Variants in CWC22 observed in about 807,000 individuals in gnomAD.
The protein encoded by CWC22 is CWC22 spliceosome associated protein, also known as pre-mRNA-splicing factor CWC22 homolog.
CWC22 carries 53 observed loss-of-function variants against 117.2 expected under a neutral mutation model. The observed-to-expected ratio is 0.45, with a 90% confidence interval of 0.36 to 0.57. The LOEUF (loss-of-function observed/expected upper bound fraction) is 0.57, where lower values mean the gene tolerates loss of function less well. Ranked by LOEUF, CWC22 falls within the 20% of genes least tolerant of loss-of-function variation. The probability of loss-of-function intolerance (pLI) is 0.00; values close to 1 mark genes in which losing one functional copy is unlikely to be tolerated. For synonymous variants in CWC22, 360 were observed against 355.6 expected (o/e 1.01, Z -0.14); for missense variants, 980 against 1,068.8 (o/e 0.92, Z 1.16).
rs185975607 is a variant in CWC22 at position 179,957,566 on chromosome 2, C to T, written c.1458+1456G>A. 2.0e-4 allele frequency among the ~76,000 whole-genome samples: 30 copies of T among 152,298 alleles called. No homozygotes were observed. In the East Asian group the frequency reaches 3.5e-3, roughly 18 times the overall value. ...CATAAAAACAGGCAGCAGGCCTCCA[C>T]CGCAGGCTGCCAACCTCTGTAACAC... On this transcript the variant is annotated intron_variant, in intron 14 of 19. Transcript: ENST00000410053.
intron 1 of CWC22, among the ~76,000 whole-genome samples, chr2:180,005,506 G>A (rs778051211): frequency 2.2e-4 from 34 of 152,152 alleles, no homozygotes; most frequent in Non-Finnish European, 4.4e-4. Context: ...AACTAGGGAG[G>A]CGGAGCTTGC....
At chr2:179,957,153 G>C (rs930884498) in intron 14 of CWC22, among the ~76,000 whole-genome samples, 2 of 152,012 alleles carry the variant, frequency 1.3e-5, no homozygotes, top group African/African-American at 4.8e-5. Context: ...AGATCATACA[G>C]TAATTTCAGT....
chr2:179,960,633 C>T (rs1686728040), intron 13 of CWC22, among the ~76,000 whole-genome samples: 1 of 151,902 alleles, frequency 6.6e-6, no homozygotes, highest in Admixed American at 6.6e-5. Context: ...ATATGACTCT[C>T]ATTTTTATAG....
At chr2:179,965,591 T>A (rs1192106391) in intron 12 of CWC22, among the ~76,000 whole-genome samples, 2 of 152,326 alleles carry the variant, frequency 1.3e-5, no homozygotes, top group East Asian at 3.9e-4. Flanking sequence ...AGGCATAATA[T>A]ACTAAATTAA....
intron 1 of CWC22, among the ~76,000 whole-genome samples, chr2:180,005,521 A>C (rs1687949718): frequency 6.6e-6 from 1 of 152,180 alleles, no homozygotes; most frequent in Admixed American, 6.5e-5. Context: ...GCTTGCAGTG[A>C]GCCGAGATAG....
At chr2:179,994,944 G>A (rs573289160) in intron 1 of CWC22, among the ~76,000 whole-genome samples, 8 of 152,096 alleles carry the variant, frequency 5.3e-5, no homozygotes, top group Admixed American at 3.9e-4. Context: ...GTGAAACCCC[G>A]TCTCTACTGA....
intron 14 of CWC22, among the ~76,000 whole-genome samples, chr2:179,957,255 C>T (rs1168388120): frequency 6.6e-6 from 1 of 151,918 alleles, no homozygotes; most frequent in Admixed American, 6.6e-5. Flanking sequence ...CACACTATTA[C>T]TAATATACCA....
chr2:179,973,542 C>T, intron 7 of CWC22, 92 bp downstream of exon 7: 4 of 798,436 alleles, frequency 5.0e-6, no homozygotes, highest in Non-Finnish European at 7.9e-6. Context: ...TGTTATGTAG[C>T]TGTGTCAAAA....
chr2:179,969,215 A>G (rs1156816462), intron 11 of CWC22, among the ~76,000 whole-genome samples: 1 of 152,226 alleles, frequency 6.6e-6, no homozygotes, highest in Middle Eastern at 3.2e-3. Context: ...CACAAAAAAC[A>G]TTTGGCATTT....
chr2:179,979,224 T>C (rs369871735), intron 5 of CWC22, among the ~76,000 whole-genome samples: 75 of 152,308 alleles, frequency 4.9e-4, no homozygotes, highest in African/African-American at 1.6e-3. Context: ...AATTCAGTTT[T>C]TGAAACATGA....
chr2:179,962,080 A>C (rs1374088028), intron 13 of CWC22, among the ~76,000 whole-genome samples: 1 of 152,164 alleles, frequency 6.6e-6, no homozygotes, highest in Non-Finnish European at 1.5e-5. Flanking sequence ...CAATAAAATA[A>C]AATCAGACTG....
rs1559284190 is a variant in CWC22, at chr2:179,950,935, G to A, written c.1818-9C>T. 4.7e-6 allele frequency: 7 copies of A among 1,495,092 alleles called. No individual in the cohort carries two copies. Among genetic ancestry groups the A allele is most frequent in the African/African-American group, 2.8e-5 (2 of 70,856 alleles). The allele number at this position is 1,495,092 out of a possible 1,614,324, so 92.6% of individuals were successfully genotyped here. A position where few individuals can be genotyped will look rare whatever the true frequency, so the allele number is the denominator to read the frequency against. ...AGAATGGCTGCAGAGTTCTAAAAAG[G>A]AAAAAAATAAACAAAAGAGAACACA... On this transcript the variant is annotated splice_polypyrimidine_tract_variant and intron_variant, in intron 17 of 19. Transcript: ENST00000410053.
rs113034441 is a variant in CWC22, at chr2:179,975,341, C to T, written c.582-1539G>A. Among the ~76,000 whole-genome samples, 661 of 152,226 alleles carry T rather than the reference C, an allele frequency of 4.3e-3. 5 individuals carry two copies. The highest frequency in any genetic ancestry group is 0.015 in the African/African-American group (610 of 41,532). On this transcript the variant is annotated intron_variant, in intron 6 of 19. Coordinates refer to ENST00000410053, the MANE Select transcript of CWC22 (RefSeq NM_020943.3). ...ACGAACCCATAGCTAATATACTCAA[C>T]GGTGACAAGCTGAAAGCTTTTCCTC...
At chr2:179,985,158 A>T (rs1020225633) in intron 4 of CWC22, among the ~76,000 whole-genome samples, 3 of 152,066 alleles carry the variant, frequency 2.0e-5, no homozygotes, top group African/African-American at 7.2e-5. Context: ...ATCTGCATGA[A>T]TATGGAATCT....
At chr2:179,977,339 T>C (rs1687177131) in intron 6 of CWC22, among the ~76,000 whole-genome samples, 1 of 152,148 alleles carries the variant, frequency 6.6e-6, no homozygotes, top group African/African-American at 2.4e-5. Flanking sequence ...GTGTCTGTTG[T>C]GAATAAATGG....
intron 8 of CWC22, 90 bp from the exon 9 acceptor site, chr2:179,971,166 T>C: frequency 1.1e-6 from 1 of 923,292 alleles, no homozygotes; most frequent in East Asian, 2.8e-5. Flanking sequence ...GTAAATCTGT[T>C]TACAATAATT....
chr2:179,978,086 T>C, intron 6 of CWC22, 104 bp downstream of exon 6: 1 of 1,216,434 alleles, frequency 8.2e-7, no homozygotes. Context: ...CAATGACCTT[T>C]GAAATGAAGT....
At chr2:179,992,930 T>C (rs1180841598) in intron 2 of CWC22, among the ~76,000 whole-genome samples, 1 of 152,222 alleles carries the variant, frequency 6.6e-6, no homozygotes, top group African/African-American at 2.4e-5. Context: ...CTGCACTGTT[T>C]GTTACTTGTT....
chr2:179,977,595 G>A (rs1194545553), intron 6 of CWC22, among the ~76,000 whole-genome samples: 2 of 152,148 alleles, frequency 1.3e-5, no homozygotes, highest in African/African-American at 4.8e-5. Flanking sequence ...TTGGTCAATG[G>A]ACACAAAATT....
Sources: gnomAD v4.1 joint callset for allele counts (sites outside exome capture counted in the v4.1 genomes callset) on GRCh38, gnomAD v4.1.1 for gene constraint, MANE v1.5 for transcripts, NCBI Gene and HGNC (gene_info 2026-07-23, HGNC 2026-07-21) for gene names.